MMRN2: variants seen among roughly 807,000 people sequenced by gnomAD.
MMRN2 encodes multimerin 2.
A neutral mutation model predicts 68.8 loss-of-function variants in MMRN2; 53 were observed. The observed-to-expected ratio is 0.77, with a 90% CI of 0.62 to 0.97. The LOEUF is 0.97. Among genes scored for constraint, MMRN2 ranks in the 50% least tolerant of loss-of-function variants. The pLI is 0.00. For missense variants in MMRN2, 1,266 were observed against 1,259.5 expected, an observed-to-expected ratio of 1.01 and a Z score of -0.08; for synonymous variants, 564 against 551.6, an observed-to-expected ratio of 1.02 and a Z score of -0.32.
intron 6 of MMRN2, 59 bp downstream of exon 6, chr10:86,942,258 T>C (rs1288514147): frequency 8.5e-6 from 13 of 1,525,696 alleles, no homozygotes; most frequent in African/African-American, 1.4e-5. Flanking sequence ...GCAGAAGAGC[T>C]GCCGGCAGCC....
chr10:86,943,593 G>A lies in MMRN2; in HGVS notation c.1191C>T (p.Thr397=). The A allele has an allele frequency of 2.5e-6, 4 of 1,614,064 alleles. No individual in the cohort carries two copies. The highest frequency in any genetic ancestry group is 3.4e-6 in the Non-Finnish European group (4 of 1,180,030). Residue 397 remains threonine, a synonymous_variant, in exon 6 of 7, where the codon ACC becomes ACT. Transcript: ENST00000372027. The surrounding 1 kb of genome is among the most constrained non-coding windows in gnomAD (Gnocchi z 4.2). ...TCAGGGTGGCCCTCATGTCCTCCAG[G>A]GTGTACTGCAACTCCTCCTCCCTGC... ...TARREEELQY[T]LEDMRATLTR... is the part of the protein sequence containing the mutation.
rs562809205 is a variant in MMRN2 at position 86,938,262 on chromosome 10, T to A, written c.2468-1137A>T. The stretch of plus-strand genomic sequence containing the variant: ...CTGGTCATCTTACATATGGGTAAAT[T>A]GAGGCCCAGAAAGAAAAAGCTTATT... On this transcript the variant is annotated intron_variant, in intron 6 of 6. Coordinates refer to ENST00000372027, the MANE Select transcript of MMRN2 (RefSeq NM_024756.3). 7.9e-5 allele frequency among the ~76,000 whole-genome samples: 12 copies of A among 152,274 alleles called. No homozygotes were observed. The South Asian group carries it at 2.5e-3, about 32-fold the overall frequency.
chr10:86,942,726 G>T lies in MMRN2; in HGVS notation c.2058C>A (p.Arg686=). The stretch of plus-strand genomic sequence containing the variant: ...CCAGGGCGGTGGTGGCGGCCTCCTC[G>T]CGGCCCGCGTCGTGGCTGGGCTCCA... The part of the protein sequence containing the change: ...EHLEPSHDAG[R]EEAATTALAG... Residue 686 remains arginine, a synonymous_variant, in exon 6 of 7, where the codon CGC becomes CGA. Coordinates refer to ENST00000372027, the MANE Select transcript of MMRN2 (RefSeq NM_024756.3). 6.9e-7 allele frequency: 1 copy of T among 1,445,650 alleles called. No homozygotes were observed. Among genetic ancestry groups the T allele is most frequent in the South Asian group, 1.4e-5 (1 of 69,078 alleles). The allele number at this position is 1,445,650 out of a possible 1,614,324, so 89.6% of individuals were successfully genotyped here. A position where few individuals can be genotyped will look rare whatever the true frequency, so the allele number is the denominator to read the frequency against.
intron 1 of MMRN2, among the ~76,000 whole-genome samples, chr10:86,948,095 G>A (rs1008355996): frequency 1.4e-4 from 22 of 152,138 alleles, no homozygotes; most frequent in African/African-American, 2.6e-4. Context: ...GTGTGGTGGC[G>A]CATGCCTGTA....
chr10:86,937,122 G>T lies in MMRN2; in HGVS notation c.2471C>A (p.Ser824Tyr), dbSNP rs767266885. Residue 824 changes from serine (S) to tyrosine (Y), a missense_variant, in exon 7 of 7, where the codon TCC becomes TAC. Transcript: ENST00000372027. ...AAAGCTGGCATAGAAGGCCACAGGG[G>T]ATCCTGAAACATAACAGGACAGTGC... ...ALGAALWEAG[S>Y]PVAFYASFSE... 7.4e-6 allele frequency: 12 copies of T among 1,613,958 alleles called. No individual in the cohort carries two copies. The highest frequency in any genetic ancestry group is 1.1e-5 in the South Asian group (1 of 91,054).
chr10:86,953,442 T>C (rs1844170417), intron 1 of MMRN2, among the ~76,000 whole-genome samples: 1 of 152,186 alleles, frequency 6.6e-6, no homozygotes, highest in African/African-American at 2.4e-5. Flanking sequence ...CTTCACAATT[T>C]ATGTTCCTCT....
At chr10:86,949,919 T>G (rs1844124827) in intron 1 of MMRN2, 5 of 131,220 alleles carry the variant, frequency 3.8e-5, no homozygotes. Context: ...AATAATAGTC[T>G]TGGGCCAGGT....
At position 86,956,442 on chromosome 10, in the gene MMRN2, C is replaced by G. The variant is rs148188172; in HGVS notation, c.164+936G>C. On this transcript the variant is annotated intron_variant, in intron 1 of 6. Coordinates refer to ENST00000372027, the MANE Select transcript of MMRN2 (RefSeq NM_024756.3). Reference sequence around the variant, plus strand: ...CACAGAAGTGTAAGTTGGCCCCCCCCTCACTCCCTAAATCCATGTAGATGC... The same window carrying G: ...CACAGAAGTGTAAGTTGGCCCCCCCGTCACTCCCTAAATCCATGTAGATGC... Among the ~76,000 whole-genome samples the G allele has an allele frequency of 1.1e-4, 16 of 152,368 alleles. 1 individual carries two copies. The highest frequency in any genetic ancestry group is 3.3e-4 in the Admixed American group (5 of 15,308).
In MMRN2 at chr10:86,955,707, G is replaced by A. The variant is rs539000717; in HGVS notation, c.164+1671C>T. On this transcript the variant is annotated intron_variant, in intron 1 of 6. Coordinates refer to ENST00000372027, the MANE Select transcript of MMRN2 (RefSeq NM_024756.3). ...AGGGAAGTAATCAGCCCAGGAAGCC[G>A]CGCGTTTCCTTCCTTTCTCACCAGC... Among the ~76,000 whole-genome samples, 69 of 152,324 alleles carry A rather than the reference G, an allele frequency of 4.5e-4. No homozygotes were observed. The East Asian group carries it at 0.011, about 25-fold the overall frequency.
At position 86,942,690 on chromosome 10, in the gene MMRN2, C is replaced by T. The variant is rs1843991994; in HGVS notation, c.2094G>A (p.Ala698=). 6.4e-7 allele frequency: 1 copy of T among 1,572,612 alleles called. No homozygotes were observed. The highest frequency in any genetic ancestry group is 8.6e-7 in the Non-Finnish European group (1 of 1,165,434). The change falls in exon 6 of 7, where the codon GCG becomes GCA. Residue 698 remains alanine, a synonymous_variant. Transcript: ENST00000372027. ...EAATTALAGL[A]RELQSLSNDV... Reference sequence around the variant, plus strand: ...CGTTGCTCAGGCTCTGGAGCTCCCGCGCCAGCCCGGCCAGGGCGGTGGTGG... The same window carrying T: ...CGTTGCTCAGGCTCTGGAGCTCCCGTGCCAGCCCGGCCAGGGCGGTGGTGG...
Position 86,943,518 on chromosome 10 carries a change from AGTCTC to A in MMRN2, c.1261_1265del (p.Glu421PhefsTer5). 1 of 1,614,192 alleles carries A rather than the reference AGTCTC, an allele frequency of 6.2e-7. No homozygotes were observed. Among genetic ancestry groups the A allele is most frequent in the Non-Finnish European group, 8.5e-7 (1 of 1,180,036 alleles). The stretch of plus-strand genomic sequence containing the variant: ...GCTCCACCTTGCTAATCTGATCGAA[AGTCTC>A]GTCCGATTCGGAGTACAGTTCCTTG... On this transcript the variant is annotated frameshift_variant, in exon 6 of 7. Transcript: ENST00000372027. LOFTEE classifies it high-confidence loss of function. The surrounding 1 kb of genome is among the most constrained non-coding windows in gnomAD (Gnocchi z 4.2).
intron 1 of MMRN2, among the ~76,000 whole-genome samples, chr10:86,956,507 G>A (rs905516258): frequency 3.3e-5 from 5 of 152,214 alleles, no homozygotes; most frequent in Admixed American, 3.3e-4. Flanking sequence ...GCAGGAGGGT[G>A]GAGGTAGGAG....
At position 86,936,747 on chromosome 10, in the gene MMRN2, G is replaced by A; in HGVS notation, c.2846C>T (p.Thr949Ile). 6.2e-7 allele frequency: 1 copy of A among 1,614,040 alleles called. No homozygotes were observed. The highest frequency in any genetic ancestry group is 8.5e-7 in the Non-Finnish European group (1 of 1,179,946). The change falls in exon 7 of 7, where the codon ACC becomes ATC. Residue 949 changes from threonine to isoleucine, a missense_variant. Transcript: ENST00000372027. ...TGATCAGATTGGGGCTGGGGTTCAG[G>A]TCTTAAACATCAGGAAGCCCCCAAA... is the stretch of plus-strand genomic sequence containing the variant. ...TAFGGFLMFK[T>I]
At chr10:86,942,292 C>T in intron 6 of MMRN2, 25 bp downstream of exon 6, 1 of 1,577,838 alleles carries the variant, frequency 6.3e-7, no homozygotes, top group Non-Finnish European at 8.6e-7. Context: ...TAGGCTCGTC[C>T]AGTCTCCCCA....
In MMRN2 at chr10:86,944,347, CCGGTGCACAT is replaced by C. The variant is rs1363869538; in HGVS notation, c.560_569del (p.Asp187GlyfsTer21). On this transcript the variant is annotated frameshift_variant, in exon 5 of 7. Coordinates refer to ENST00000372027, the MANE Select transcript of MMRN2 (RefSeq NM_024756.3). LOFTEE classifies it high-confidence loss of function. The stretch of plus-strand genomic sequence containing the variant: ...ACAGGCCTGGCAGGCTGTCTGCCAC[CCGGTGCACAT>C]CATTCTGGAGATCTCCCAGCAGATG... The C allele has an allele frequency of 6.2e-7, 1 of 1,614,036 alleles. No homozygotes were observed.
chr10:86,953,346 G>A (rs994834862), intron 1 of MMRN2, among the ~76,000 whole-genome samples: 2 of 152,166 alleles, frequency 1.3e-5, no homozygotes, highest in Non-Finnish European at 2.9e-5. Flanking sequence ...CACAATTTAT[G>A]TTCAGAGATT....
At chr10:86,941,067 G>A (rs117746324) in intron 6 of MMRN2, among the ~76,000 whole-genome samples, 271 of 152,362 alleles carry the variant, frequency 1.8e-3, no homozygotes, top group Non-Finnish European at 3.0e-3. Flanking sequence ...TTGTGTTTGC[G>A]CCTCAGTTTC....
Position 86,942,701 on chromosome 10 carries a change from C to A in MMRN2, c.2083G>T (p.Ala695Ser), listed in dbSNP as rs1194372112. Residue 695 changes from alanine (A) to serine (S), a missense_variant, in exon 6 of 7, where the codon GCC (alanine) becomes TCC (serine). By Grantham distance (99) the Ala-to-Ser change is moderately conservative. Coordinates refer to ENST00000372027, the MANE Select transcript of MMRN2 (RefSeq NM_024756.3). ...CTCTGGAGCTCCCGCGCCAGCCCGG[C>A]CAGGGCGGTGGTGGCGGCCTCCTCG... is the stretch of plus-strand genomic sequence containing the variant. ...GREEAATTAL[A>S]GLARELQSLS... 1.3e-6 allele frequency: 2 copies of A among 1,550,002 alleles called. No individual in the cohort carries two copies. Among genetic ancestry groups the A allele is most frequent in the Admixed American group, 3.7e-5 (2 of 54,462 alleles).
rs1325737175 is a variant in MMRN2 at position 86,943,288 on chromosome 10, A to G, written c.1496T>C (p.Leu499Ser). 2 of 1,613,504 alleles carry G rather than the reference A, an allele frequency of 1.2e-6. No homozygotes were observed. Among genetic ancestry groups the G allele is most frequent in the Non-Finnish European group, 1.7e-6 (2 of 1,179,992 alleles). Residue 499 changes from leucine (L) to serine (S), a missense_variant, in exon 6 of 7, where the codon TTA becomes TCA. Transcript: ENST00000372027. This position sits in a 1 kb window ranked among gnomAD's most constrained non-coding sequence, Gnocchi z 4.2. Reference protein sequence around the residue: ...VKDCNCQKLYLDLDVIREGQR... With the variant: ...VKDCNCQKLYSDLDVIREGQR... ...GCCCTCCCGGATGACGTCCAGGTCT[A>G]AATAGAGCTTCTGGCAATTGCAGTC...
Sources: gnomAD v4.1 joint callset for allele counts (sites outside exome capture counted in the v4.1 genomes callset) on GRCh38, gnomAD v4.1.1 for gene constraint, Gnocchi (gnomAD v3.1) non-coding constraint, MANE v1.5 for transcripts, NCBI Gene and HGNC (gene_info 2026-07-23, HGNC 2026-07-21) for gene names.